The following IQCJ variants were observed in gnomAD, a reference collection of about 807,000 sequenced individuals.
The protein encoded by IQCJ is IQ domain-containing protein J.
In IQCJ, 9 loss-of-function variants were observed where a neutral mutation model predicts 11.0. That is an observed-to-expected ratio of 0.82 (90% CI 0.49 to 1.43). IQCJ has a LOEUF of 1.43. Ranked by LOEUF, IQCJ falls within the 40% of genes most tolerant of loss-of-function variation. The pLI, the probability that IQCJ is intolerant of heterozygous loss-of-function variation, is 0.00. For missense variants in IQCJ, 146 were observed against 133.2 expected (o/e 1.10, Z -0.47); for synonymous variants, 55 against 51.3 (o/e 1.07, Z -0.31).
chr3:159,200,914 A>G (rs1724293732), intron 1 of IQCJ, among the ~76,000 whole-genome samples: 1 of 152,142 alleles, frequency 6.6e-6, no homozygotes, highest in South Asian at 2.1e-4. Flanking sequence ...AGAAGTGTGT[A>G]GTTGGGGGAG....
chr3:159,139,445 C>G (rs1720478382), intron 1 of IQCJ, among the ~76,000 whole-genome samples: 1 of 152,142 alleles, frequency 6.6e-6, no homozygotes, highest in African/African-American at 2.4e-5. Flanking sequence ...GTTTCTTCTC[C>G]CTGGTATTAT....
At chr3:159,244,813 A>G (rs1160157729) in intron 1 of IQCJ, among the ~76,000 whole-genome samples, 8 of 152,072 alleles carry the variant, frequency 5.3e-5, no homozygotes, top group African/African-American at 1.9e-4. Context: ...GCTAGTCCTG[A>G]TGGTCTTTTG....
intron 1 of IQCJ, among the ~76,000 whole-genome samples, chr3:159,225,120 A>G (rs1725777925): frequency 6.6e-6 from 1 of 152,206 alleles, no homozygotes; most frequent in Non-Finnish European, 1.5e-5. Context: ...CTTTATTATA[A>G]TAGCTAAAAA....
At chr3:159,213,621 G>T (rs1227533818) in intron 1 of IQCJ, among the ~76,000 whole-genome samples, 1 of 151,470 alleles carries the variant, frequency 6.6e-6, no homozygotes, top group African/African-American at 2.4e-5. Context: ...CTACTTTCTG[G>T]AAAAAAAAGA....
At chr3:159,259,534 A>G in intron 3 of IQCJ, among the ~76,000 whole-genome samples, 1 of 152,210 alleles carries the variant, frequency 6.6e-6, no homozygotes, top group East Asian at 1.9e-4. Flanking sequence ...TATGATTGAG[A>G]GATGAGGTGC....
chr3:159,227,453 G>C (rs1725923416), intron 1 of IQCJ, among the ~76,000 whole-genome samples: 1 of 152,024 alleles, frequency 6.6e-6, no homozygotes, highest in South Asian at 2.1e-4. Context: ...TCCTTTAAGG[G>C]GATATCCAAG....
intron 1 of IQCJ, among the ~76,000 whole-genome samples, chr3:159,236,869 G>A (rs1446369910): frequency 3.3e-5 from 5 of 152,212 alleles, no homozygotes; most frequent in Admixed American, 3.3e-4. Context: ...ATGGAGGGGA[G>A]CAGGTGAGGA....
intron 1 of IQCJ, among the ~76,000 whole-genome samples, chr3:159,148,318 C>T (rs1721024302): frequency 1.3e-5 from 2 of 152,124 alleles, no homozygotes; most frequent in Admixed American, 1.3e-4. Context: ...CCTATTTTCC[C>T]TTTGTCCTAA....
intron 1 of IQCJ, among the ~76,000 whole-genome samples, chr3:159,154,335 C>T (rs950456557): frequency 2.0e-5 from 3 of 152,162 alleles, no homozygotes; most frequent in African/African-American, 7.2e-5. Flanking sequence ...TGGACCCAAA[C>T]ACAATGAGAG....
intron 1 of IQCJ, among the ~76,000 whole-genome samples, chr3:159,131,102 A>G (rs935180748): frequency 6.6e-6 from 1 of 152,228 alleles, no homozygotes; most frequent in African/African-American, 2.4e-5. Flanking sequence ...CCACAAGAGC[A>G]GCATGGAGGA....
At chr3:159,095,202 T>C (rs1717643721) in intron 1 of IQCJ, among the ~76,000 whole-genome samples, 1 of 151,926 alleles carries the variant, frequency 6.6e-6, no homozygotes, top group Non-Finnish European at 1.5e-5. Context: ...TAAGCTATAT[T>C]TCAAAACCAT....
intron 1 of IQCJ, among the ~76,000 whole-genome samples, chr3:159,238,410 A>C (rs1726718440): frequency 6.6e-6 from 1 of 152,238 alleles, no homozygotes; most frequent in Non-Finnish European, 1.5e-5. Flanking sequence ...AGACAATAGC[A>C]GACGATATAA....
chr3:159,158,841 C>T (rs1721678793), intron 1 of IQCJ, among the ~76,000 whole-genome samples: 1 of 152,182 alleles, frequency 6.6e-6, no homozygotes, highest in Non-Finnish European at 1.5e-5. Flanking sequence ...ATTTGACCCA[C>T]TCCTAGTGTC....
chr3:159,139,166 T>C (rs989495347), intron 1 of IQCJ, among the ~76,000 whole-genome samples: 6 of 152,176 alleles, frequency 3.9e-5, no homozygotes, highest in Non-Finnish European at 7.4e-5. Flanking sequence ...TTTCTTGGAT[T>C]CTGTGTTGTA....
At chr3:159,086,969 T>C (rs1716826020) in intron 1 of IQCJ, among the ~76,000 whole-genome samples, 1 of 152,154 alleles carries the variant, frequency 6.6e-6, no homozygotes, top group Non-Finnish European at 1.5e-5. Flanking sequence ...ATAGGAGTGG[T>C]GAGAGAGGGC....
At chr3:159,161,542 C>T (rs1293781054) in intron 1 of IQCJ, among the ~76,000 whole-genome samples, 1 of 152,092 alleles carries the variant, frequency 6.6e-6, no homozygotes, top group Non-Finnish European at 1.5e-5. Flanking sequence ...TAATTCGATC[C>T]CATTTGTCAA....
chr3:159,103,005 A>G (rs1718026615), intron 1 of IQCJ, among the ~76,000 whole-genome samples: 1 of 152,202 alleles, frequency 6.6e-6, no homozygotes, highest in Non-Finnish European at 1.5e-5. Flanking sequence ...GCTTCAAATC[A>G]AAGTGCATTT....
At chr3:159,171,554 T>C (rs1722485703) in intron 1 of IQCJ, among the ~76,000 whole-genome samples, 2 of 152,210 alleles carry the variant, frequency 1.3e-5, no homozygotes, top group African/African-American at 4.8e-5. Context: ...TCAGCCCTGC[T>C]TCAGACTAGT....
chr3:159,191,408 G>T (rs1723680324), intron 1 of IQCJ, among the ~76,000 whole-genome samples: 1 of 152,184 alleles, frequency 6.6e-6, no homozygotes, highest in South Asian at 2.1e-4. Context: ...TTGGGGGACA[G>T]AAATGGTATA....
Sources: gnomAD v4.1 joint callset for allele counts (sites outside exome capture counted in the v4.1 genomes callset) on GRCh38, gnomAD v4.1.1 for gene constraint, MANE v1.5 for transcripts, NCBI Gene and HGNC (gene_info 2026-07-23, HGNC 2026-07-21) for gene names.